Variants in SCML4 observed in about 807,000 individuals in gnomAD.
SCML4 encodes the protein sex comb on midleg-like protein 4.
SCML4 carries 34 observed loss-of-function variants against 41.1 expected under a neutral mutation model. The ratio of observed to expected loss-of-function variants is 0.83; its 90% confidence interval spans 0.63 to 1.10. The LOEUF (loss-of-function observed/expected upper bound fraction) is 1.10, where lower values mean the gene tolerates loss of function less well. SCML4 is among the 50% of genes least tolerant of loss of function. The pLI is 0.00. For missense variants in SCML4, 522 were observed against 534.1 expected, an observed-to-expected ratio of 0.98 and a Z score of 0.22; for synonymous variants, 214 against 220.9, an observed-to-expected ratio of 0.97 and a Z score of 0.28.
rs80056330 is a variant in SCML4 at position 107,757,540 on chromosome 6, C to T, written c.157-7727G>A. 6.6e-3 allele frequency among the ~76,000 whole-genome samples: 1,003 copies of T among 152,262 alleles called. 11 individuals carry two copies. Among genetic ancestry groups the T allele is most frequent in the African/African-American group, 0.022 (925 of 41,550 alleles). On this transcript the variant is annotated intron_variant, in intron 2 of 7. Transcript: ENST00000369020. ...AATGTGTTTAGGGCAGCAGTGGGCA[C>T]ATGCAAAGGAATACCAGCTTTGGAT...
At chr6:107,720,520 T>A in intron 6 of SCML4, 183 bp downstream of exon 6, 1 of 1,381,738 alleles carries the variant, frequency 7.2e-7, no homozygotes, top group Non-Finnish European at 9.3e-7. Flanking sequence ...TCTTTGCTTA[T>A]CAAAGGTTGA....
intron 1 of SCML4, among the ~76,000 whole-genome samples, chr6:107,803,400 C>T (rs1374191695): frequency 1.4e-5 from 2 of 145,784 alleles, no homozygotes; most frequent in Non-Finnish European, 3.0e-5. Flanking sequence ...CCTCGCCCGG[C>T]CAGCCGCCCC....
At position 107,708,134 on chromosome 6, in the gene SCML4, G is replaced by C. The variant is rs1023010775; in HGVS notation, c.974-123C>G. On this transcript the variant is annotated intron_variant, in intron 6 of 7. Transcript: ENST00000369020. Reference sequence around the variant, plus strand: ...TCAGTGCCCATGAGTCCAAGGACCTGGCCCAAGTGACCTCCTGTCATAGGG... The same window carrying C: ...TCAGTGCCCATGAGTCCAAGGACCTCGCCCAAGTGACCTCCTGTCATAGGG... The C allele has an allele frequency of 7.9e-6, 9 of 1,142,584 alleles. No individual in the cohort carries two copies. In the East Asian group the frequency reaches 1.3e-4, roughly 16 times the overall value. The allele number at this position is 1,142,584 out of a possible 1,614,324, so 70.8% of individuals were successfully genotyped here.
intron 5 of SCML4, among the ~76,000 whole-genome samples, chr6:107,724,578 G>T (rs1398474805): frequency 1.3e-5 from 2 of 152,014 alleles, no homozygotes; most frequent in African/African-American, 4.8e-5. Context: ...TTTAACAAAA[G>T]TTCAAACATA....
At chr6:107,832,801 G>C in the SCML4 span, among the ~76,000 whole-genome samples, 16 of 152,326 alleles carry the variant, frequency 1.1e-4, no homozygotes, top group South Asian at 3.1e-3. Context: ...AGCGGTAGAG[G>C]ATAGGGTGCT....
chr6:107,704,801 G>A lies in SCML4; in HGVS notation c.*399C>T. On this transcript the variant is annotated 3_prime_UTR_variant, in exon 8 of 8. Coordinates refer to ENST00000369020, the MANE Select transcript of SCML4 (RefSeq NM_198081.5). ...CCCAGGTCAGAGTTAGAGGCAGATG[G>A]TGCTGAGGGGGTTGTCCCTGCAGAG... The A allele has an allele frequency of 4.0e-6, 1 of 249,616 alleles. No individual in the cohort carries two copies. Among genetic ancestry groups the A allele is most frequent in the Non-Finnish European group, 7.7e-6 (1 of 130,178 alleles). 15.5% of individuals were successfully genotyped at this position (249,616 alleles called of 1,614,324 possible).
the SCML4 span, among the ~76,000 whole-genome samples, chr6:107,838,437 T>C: frequency 6.6e-6 from 1 of 152,182 alleles, no homozygotes; most frequent in African/African-American, 2.4e-5. Context: ...TTGAGCCGCA[T>C]TGACAGGCGC....
At chr6:107,780,089 C>T (rs544124011) in intron 1 of SCML4, among the ~76,000 whole-genome samples, 18 of 152,310 alleles carry the variant, frequency 1.2e-4, no homozygotes, top group East Asian at 3.9e-4. Flanking sequence ...CGCCTGGCAC[C>T]GGTGACAACC....
In SCML4 at chr6:107,812,868, C is replaced by CACACAT. The variant is rs1451327832; in HGVS notation, c.-60+11257_-60+11258insATGTGT. Among the ~76,000 whole-genome samples, 301 of 126,918 alleles carry CACACAT rather than the reference C, an allele frequency of 2.4e-3. 2 individuals carry two copies. Among genetic ancestry groups the CACACAT allele is most frequent in the African/African-American group, 8.7e-3 (296 of 34,038 alleles). 83.3% of individuals were successfully genotyped at this position (126,918 alleles called of 152,430 possible). A position where few individuals can be genotyped will look rare whatever the true frequency, so the allele number is the denominator to read the frequency against. On this transcript the variant is annotated intron_variant, in intron 1 of 7. Coordinates refer to ENST00000369020, the MANE Select transcript of SCML4 (RefSeq NM_198081.5). ...CAACTCCTTATAGTAGAGCTCTTTA[C>CACACAT]ACACAGACACATACACACACACACA...
chr6:107,749,398 A>T (rs1309914772), intron 3 of SCML4, among the ~76,000 whole-genome samples: 2 of 152,080 alleles, frequency 1.3e-5, no homozygotes, highest in Non-Finnish European at 2.9e-5. Context: ...TAAAAGAAAC[A>T]TCTGGCCACC....
chr6:107,833,069 G>A, the SCML4 span, among the ~76,000 whole-genome samples: 4 of 152,188 alleles, frequency 2.6e-5, no homozygotes, highest in East Asian at 7.7e-4. Flanking sequence ...TAACTGGGTT[G>A]CGAATATTGG....
Position 107,754,878 on chromosome 6 carries a change from A to T in SCML4, c.157-5065T>A, listed in dbSNP as rs377548060. Among the ~76,000 whole-genome samples the T allele has an allele frequency of 5.3e-5, 8 of 152,286 alleles. No individual in the cohort carries two copies. In the East Asian group the frequency reaches 5.8e-4, roughly 11 times the overall value. On this transcript the variant is annotated intron_variant, in intron 2 of 7. Transcript: ENST00000369020. ...AATCCCAGCACTTTGGGAGGCCAAG[A>T]CGGCAGGATTGCTTGAGCTCTGGAG... is the stretch of plus-strand genomic sequence containing the variant.
chr6:107,803,395 C>A (rs1226781415), intron 1 of SCML4, among the ~76,000 whole-genome samples: 8 of 145,954 alleles, frequency 5.5e-5, no homozygotes, highest in African/African-American at 1.9e-4. Context: ...CAGCCCCTCG[C>A]CCGGCCAGCC....
chr6:107,733,473 A>G (rs964415755), intron 5 of SCML4, among the ~76,000 whole-genome samples: 2 of 152,204 alleles, frequency 1.3e-5, no homozygotes, highest in Non-Finnish European at 2.9e-5. Flanking sequence ...GAGAGAGTTC[A>G]TGAAGTTCAT....
chr6:107,845,106 C>T, the SCML4 span, among the ~76,000 whole-genome samples: 13 of 152,012 alleles, frequency 8.6e-5, no homozygotes, highest in Admixed American at 1.3e-4. Context: ...GCATGTGGCA[C>T]ACGCCTATAA....
chr6:107,721,013 A>G lies in SCML4; in HGVS notation c.683-20T>C. On this transcript the variant is annotated intron_variant, in intron 5 of 7. Transcript: ENST00000369020. ...TCTTGACTAAGCAATAAGGCAGTAC[A>G]GAGAAGCAGATATCAGAGAGCAGTT... is the stretch of plus-strand genomic sequence containing the variant. 6.4e-7 allele frequency: 1 copy of G among 1,571,980 alleles called. No homozygotes were observed. Among genetic ancestry groups the G allele is most frequent in the South Asian group, 1.2e-5 (1 of 84,158 alleles).
chr6:107,844,209 C>T, the SCML4 span, among the ~76,000 whole-genome samples: 3 of 151,918 alleles, frequency 2.0e-5, no homozygotes, highest in South Asian at 2.1e-4. Context: ...GAAAGGGAGA[C>T]GATGAGTCTG....
At chr6:107,798,247 GA>G (rs1782854817) in intron 1 of SCML4, among the ~76,000 whole-genome samples, 1 of 151,858 alleles carries the variant, frequency 6.6e-6, no homozygotes, top group Non-Finnish European at 1.5e-5. Flanking sequence ...GAAGTCATCT[GA>G]GTCTGAAAGT....
chr6:107,811,353 A>G (rs1371720220), intron 1 of SCML4, among the ~76,000 whole-genome samples: 2 of 152,140 alleles, frequency 1.3e-5, no homozygotes, highest in Admixed American at 1.3e-4. Flanking sequence ...GTTTTTGTGA[A>G]CTTGCCTGTT....
Sources: gnomAD v4.1 joint callset for allele counts (sites outside exome capture counted in the v4.1 genomes callset) on GRCh38, gnomAD v4.1.1 for gene constraint, MANE v1.5 for transcripts, NCBI Gene and HGNC (gene_info 2026-07-23, HGNC 2026-07-21) for gene names.